Variants in DMD observed in about 807,000 individuals in gnomAD.
The protein encoded by DMD is dystrophin, also known as mutant dystrophin.
Under a neutral mutation model 330.1 loss-of-function variants are expected in DMD, and 63 were observed. The observed-to-expected ratio is 0.19, with a 90% CI of 0.16 to 0.24. The LOEUF is 0.24. DMD is among the 10% of genes least tolerant of loss of function. The pLI, the probability that DMD is intolerant of heterozygous loss-of-function variation, is 1.00. For synonymous variants in DMD, 1,223 were observed against 959.8 expected, an observed-to-expected ratio of 1.27 and a Z score of -5.07; for missense variants, 3,344 against 2,684.1, an observed-to-expected ratio of 1.25 and a Z score of -5.43.
At chrX:31,258,015 A>C (rs1345832212) in intron 63 of DMD, among the ~76,000 whole-genome samples, 1 of 112,284 alleles carries the variant, frequency 8.9e-6, no homozygotes, top group Admixed American at 9.4e-5. Flanking sequence ...GCAACAGTGA[A>C]AGGAGTGCCC....
chrX:31,659,955 A>C (rs1391126357), intron 53 of DMD, among the ~76,000 whole-genome samples: 2 of 112,108 alleles, frequency 1.8e-5, no homozygotes, highest in Non-Finnish European at 3.8e-5. Context: ...ACAGAATAAA[A>C]ATCAAACAGT....
At chrX:33,072,387 C>T (rs1040420015) in intron 1 of DMD, among the ~76,000 whole-genome samples, 5 of 112,065 alleles carry the variant, frequency 4.5e-5, no homozygotes, top group African/African-American at 9.7e-5. Context: ...CACTGCACTC[C>T]AGCCTGGGCG....
intron 53 of DMD, among the ~76,000 whole-genome samples, chrX:31,672,409 G>GTCT (rs1479525124): frequency 8.9e-6 from 1 of 111,947 alleles, no homozygotes; most frequent in Non-Finnish European, 1.9e-5. Context: ...TATCTGTTAG[G>GTCT]TCTTGTAAGT....
chrX:33,141,375 G>A (rs776721141), intron 1 of DMD, among the ~76,000 whole-genome samples: 3 of 111,072 alleles, frequency 2.7e-5, no homozygotes, highest in Non-Finnish European at 5.6e-5. Context: ...TCTCCTGAGC[G>A]GTACTCTCAG....
Position 32,233,609 on chromosome X carries a change from T to TTATTTATG in DMD, c.6291-16547_6291-16546insCATAAATA, listed in dbSNP as rs1401971865. On this transcript the variant is annotated intron_variant, in intron 43 of 78. Coordinates refer to ENST00000357033, the MANE Select transcript of DMD (RefSeq NM_004006.3). ...TACAATTTCTTTTTCTTTTATTTAT[T>TTATTTATG]TATTTATTTATTTATTTATTTATTT... is the stretch of plus-strand genomic sequence containing the variant. Among the ~76,000 whole-genome samples the TTATTTATG allele has an allele frequency of 3.4e-3, 303 of 88,293 alleles. 2 individuals are homozygous for TTATTTATG. Among genetic ancestry groups the TTATTTATG allele is most frequent in the African/African-American group, 0.013 (299 of 23,736 alleles). 76.7% of individuals were successfully genotyped at this position (88,293 alleles called of 115,157 possible).
intron 50 of DMD, among the ~76,000 whole-genome samples, chrX:31,805,908 C>G (rs2092276071): frequency 1.8e-5 from 2 of 112,320 alleles, no homozygotes; most frequent in African/African-American, 6.5e-5. Flanking sequence ...AAACAGGGGT[C>G]AGTGAACTAC....
At position 31,661,521 on chromosome X, in the gene DMD, C is replaced by T. The variant is rs144092797; in HGVS notation, c.7873-3377G>A. ...TTGCCTACTGCTGTGAAATTTACTA[C>T]TGGGATAACTCCAGACCTCAGAAGG... is the stretch of plus-strand genomic sequence containing the variant. On this transcript the variant is annotated intron_variant, in intron 53 of 78. Coordinates refer to ENST00000357033, the MANE Select transcript of DMD (RefSeq NM_004006.3). 8.6e-3 allele frequency among the ~76,000 whole-genome samples: 963 copies of T among 111,800 alleles called. 31 individuals are homozygous for T. The East Asian group carries it at 0.13, about 16-fold the overall frequency.
chrX:32,602,983 T>C (rs1406485339), intron 12 of DMD, among the ~76,000 whole-genome samples: 1 of 111,456 alleles, frequency 9.0e-6, no homozygotes, highest in Non-Finnish European at 1.9e-5. Context: ...AACACATCTA[T>C]TTGTCTGTAA....
intron 50 of DMD, among the ~76,000 whole-genome samples, chrX:31,810,551 G>A (rs951303246): frequency 8.9e-6 from 1 of 111,810 alleles, no homozygotes; most frequent in African/African-American, 3.3e-5. Flanking sequence ...GAAGAGAGTT[G>A]GCAGTTACGC....
At chrX:32,901,677 T>C in intron 2 of DMD, among the ~76,000 whole-genome samples, 1 of 111,063 alleles carries the variant, frequency 9.0e-6, no homozygotes, top group East Asian at 2.8e-4. Flanking sequence ...TTTCATAAAA[T>C]GTAATATCTG....
chrX:31,294,229 T>C (rs1310140336), intron 62 of DMD, among the ~76,000 whole-genome samples: 1 of 111,994 alleles, frequency 8.9e-6, no homozygotes, highest in African/African-American at 3.3e-5. Flanking sequence ...TGATCTAAGA[T>C]AGATCCAGAC....
intron 1 of DMD, among the ~76,000 whole-genome samples, chrX:33,104,806 A>C (rs1371175287): frequency 2.7e-5 from 3 of 112,606 alleles, no homozygotes; most frequent in Non-Finnish European, 3.7e-5. Flanking sequence ...TTATTAGTTC[A>C]CAAACTGAAA....
chrX:33,173,387 GTTGT>G (rs1414143793), intron 1 of DMD, among the ~76,000 whole-genome samples: 13 of 111,845 alleles, frequency 1.2e-4, no homozygotes, highest in Non-Finnish European at 2.4e-4. Flanking sequence ...CAAAAGGGTA[GTTGT>G]TTGTGTTTTA....
At chrX:31,563,591 C>T (rs974035191) in intron 55 of DMD, among the ~76,000 whole-genome samples, 3 of 111,715 alleles carry the variant, frequency 2.7e-5, no homozygotes, top group African/African-American at 6.5e-5. Context: ...AAAAGTCTCC[C>T]CTCCTCAATA....
chrX:32,476,324 C>T (rs2041233060), intron 21 of DMD, among the ~76,000 whole-genome samples: 1 of 111,473 alleles, frequency 9.0e-6, no homozygotes, highest in Non-Finnish European at 1.9e-5. Flanking sequence ...TTAAAACATG[C>T]ATATTTTAAT....
intron 52 of DMD, among the ~76,000 whole-genome samples, chrX:31,711,161 T>C (rs923658584): frequency 9.0e-6 from 1 of 111,495 alleles, no homozygotes; most frequent in Non-Finnish European, 1.9e-5. Flanking sequence ...TTTCTGTTAT[T>C]CTCAAAATGT....
At chrX:31,564,163 C>T (rs1053544398) in intron 55 of DMD, among the ~76,000 whole-genome samples, 4 of 111,255 alleles carry the variant, frequency 3.6e-5, no homozygotes, top group African/African-American at 9.8e-5. Flanking sequence ...AGGAACCAAC[C>T]CTCCTGACAC....
intron 17 of DMD, among the ~76,000 whole-genome samples, chrX:32,523,932 C>CT (rs57254581): frequency 0.026 from 2,255 of 87,373 alleles, 55 homozygotes; most frequent in Admixed American, 0.055. Context: ...CAAAAGAAAT[C>CT]TTTTTTTTTT....
intron 32 of DMD, 103 bp from the exon 33 acceptor site, chrX:32,386,568 G>C: frequency 1.3e-6 from 1 of 766,555 alleles, no homozygotes. Context: ...GCTATTCCAT[G>C]TTTGAAATTT....
Sources: allele counts gnomAD v4.1 joint callset (sites outside exome capture counted in the v4.1 genomes callset), GRCh38; gene constraint gnomAD v4.1.1; transcripts MANE v1.5; gene names NCBI Gene and HGNC (gene_info 2026-07-23, HGNC 2026-07-21).